The following MYO16 variants were observed in gnomAD, a reference collection of about 807,000 sequenced individuals.
MYO16 encodes unconventional myosin-XVI.
Under a neutral mutation model 205.3 loss-of-function variants are expected in MYO16, and 94 were observed. The observed-to-expected ratio is 0.46, with a 90% CI of 0.39 to 0.54. MYO16 has a LOEUF of 0.54. Ranked by LOEUF, MYO16 falls within the 20% of genes least tolerant of loss-of-function variation. MYO16 has a pLI of 0.00. For synonymous variants in MYO16, 988 were observed against 954.0 expected (o/e 1.04, Z -0.66); for missense variants, 2,315 against 2,387.5 (o/e 0.97, Z 0.63).
At chr13:108,715,824 A>C (rs1402201428) in intron 3 of MYO16, among the ~76,000 whole-genome samples, 1 of 152,214 alleles carries the variant, frequency 6.6e-6, no homozygotes, top group Non-Finnish European at 1.5e-5. Flanking sequence ...GGTCCGGCTT[A>C]ATAACCCATT....
chr13:108,546,430 T>A, the MYO16 span, among the ~76,000 whole-genome samples: 1 of 152,160 alleles, frequency 6.6e-6, no homozygotes, highest in Admixed American at 6.6e-5. Flanking sequence ...AAGTGTGTAA[T>A]GTGGCAATGC....
chr13:108,698,979 G>A (rs924586021), intron 2 of MYO16, among the ~76,000 whole-genome samples: 10 of 152,032 alleles, frequency 6.6e-5, no homozygotes, highest in Non-Finnish European at 1.3e-4. Context: ...CTGTGATACA[G>A]TCCTTTTGAT....
intron 34 of MYO16, among the ~76,000 whole-genome samples, chr13:109,181,407 C>T (rs2139920048): frequency 6.6e-6 from 1 of 152,340 alleles, no homozygotes; most frequent in South Asian, 2.1e-4. Context: ...GACATTTATA[C>T]AAGAAGTATG....
intron 1 of MYO16, among the ~76,000 whole-genome samples, chr13:108,608,730 C>T (rs6492127): frequency 0.39 from 59,362 of 151,692 alleles, 12,266 homozygotes; most frequent in Non-Finnish European, 0.46. Context: ...GCAACCTCCG[C>T]CTCCAGGGTT....
At chr13:108,732,516 T>C (rs1227411913) in intron 4 of MYO16, among the ~76,000 whole-genome samples, 1 of 152,140 alleles carries the variant, frequency 6.6e-6, no homozygotes, top group Non-Finnish European at 1.5e-5. Flanking sequence ...TAGAAAGCTA[T>C]GTGGCAGGGT....
At chr13:108,971,374 T>TATATATATATAC (rs1156819636) in intron 20 of MYO16, among the ~76,000 whole-genome samples, 22 of 136,396 alleles carry the variant, frequency 1.6e-4, no homozygotes, top group African/African-American at 3.4e-4. Flanking sequence ...TATATATATA[T>TATATATATATAC]ACACATATAA....
At chr13:108,776,808 G>A (rs1029831803) in intron 4 of MYO16, among the ~76,000 whole-genome samples, 3 of 152,162 alleles carry the variant, frequency 2.0e-5, no homozygotes, top group Admixed American at 6.5e-5. Context: ...AACTCTGGGA[G>A]AATTAAAGAC....
At chr13:108,606,835 C>T (rs1482437537) in intron 1 of MYO16, among the ~76,000 whole-genome samples, 1 of 152,094 alleles carries the variant, frequency 6.6e-6, no homozygotes, top group African/African-American at 2.4e-5. Flanking sequence ...CCCATGAAAG[C>T]AGGGAGTGGA....
At chr13:108,859,586 G>T (rs999900452) in intron 11 of MYO16, among the ~76,000 whole-genome samples, 15 of 152,110 alleles carry the variant, frequency 9.9e-5, no homozygotes, top group African/African-American at 3.6e-4. Flanking sequence ...TCCACAGTCT[G>T]CAGTATTAGG....
chr13:108,573,679 C>T, the MYO16 span, among the ~76,000 whole-genome samples: 1 of 152,180 alleles, frequency 6.6e-6, no homozygotes, highest in Non-Finnish European at 1.5e-5. Flanking sequence ...GATCTCCTCA[C>T]CAGACTTCAC....
At position 108,972,345 on chromosome 13, in the gene MYO16, TATAGCC is replaced by T. The variant is rs201071524; in HGVS notation, c.2369+7447_2369+7452del. On this transcript the variant is annotated intron_variant, in intron 20 of 34. Coordinates refer to ENST00000457511, the MANE Select transcript of MYO16 (RefSeq NM_001198950.3). ...ATATAGCCATCTATATATATATATA[TATAGCC>T]ATATATATATATATATATATATATA... Among the ~76,000 whole-genome samples the T allele has an allele frequency of 3.9e-3, 167 of 43,118 alleles. 20 individuals are homozygous for T. Among genetic ancestry groups the T allele is most frequent in the African/African-American group, 0.016 (163 of 10,112 alleles). 28.3% of individuals were successfully genotyped at this position (43,118 alleles called of 152,430 possible).
intron 16 of MYO16, among the ~76,000 whole-genome samples, chr13:108,941,997 A>T (rs1244133741): frequency 6.6e-6 from 1 of 152,238 alleles, no homozygotes; most frequent in Non-Finnish European, 1.5e-5. Flanking sequence ...TAATTTAATT[A>T]TGCATACATA....
intron 4 of MYO16, among the ~76,000 whole-genome samples, chr13:108,762,732 G>A (rs9514900): frequency 0.52 from 79,432 of 151,912 alleles, 21,334 homozygotes; most frequent in East Asian, 0.63. Context: ...TGGAATTTTA[G>A]AATTTGGCAG....
At chr13:108,522,351 A>G in the MYO16 span, among the ~76,000 whole-genome samples, 4 of 152,188 alleles carry the variant, frequency 2.6e-5, no homozygotes, top group Admixed American at 6.5e-5. Flanking sequence ...TACATTTAAC[A>G]TGTTCCTTTT....
chr13:109,073,802 A>G (rs993592376), intron 27 of MYO16, among the ~76,000 whole-genome samples: 1 of 152,222 alleles, frequency 6.6e-6, no homozygotes, highest in Non-Finnish European at 1.5e-5. Context: ...ATCCAATACA[A>G]GTGACTAATA....
chr13:108,813,280 T>C (rs1887350124), intron 7 of MYO16, among the ~76,000 whole-genome samples: 1 of 152,172 alleles, frequency 6.6e-6, no homozygotes, highest in African/African-American at 2.4e-5. Flanking sequence ...TTCTAAAGTA[T>C]TAGATCTGAA....
At chr13:108,981,786 T>G (rs1325514293) in intron 20 of MYO16, among the ~76,000 whole-genome samples, 1 of 152,246 alleles carries the variant, frequency 6.6e-6, no homozygotes, top group Non-Finnish European at 1.5e-5. Context: ...CTAGAAACAT[T>G]GACTTGCTAC....
intron 10 of MYO16, among the ~76,000 whole-genome samples, chr13:108,849,067 C>G (rs1008156582): frequency 2.0e-5 from 3 of 152,220 alleles, no homozygotes; most frequent in African/African-American, 7.2e-5. Flanking sequence ...CTACACACGA[C>G]TGTCCAGGCA....
Position 109,046,929 on chromosome 13 carries a change from T to A in MYO16, c.2810T>A (p.Val937Asp), listed in dbSNP as rs755834895. 5.6e-6 allele frequency: 9 copies of A among 1,608,760 alleles called. No individual in the cohort carries two copies. Among genetic ancestry groups the A allele is most frequent in the African/African-American group, 1.3e-5 (1 of 74,912 alleles). ...MHYAGRVMYD[V>D]VGAIEKNKDS... ...CTTTTATTCTAGGTAATGTATGATG[T>A]TGTTGGGGCGATTGAAAAAAATAAA... is the stretch of plus-strand genomic sequence containing the variant. Residue 937 changes from valine to aspartate, a missense_variant, in exon 24 of 35, where the codon GTT (valine) becomes GAT (aspartate). Physicochemically the swap from Val to Asp is radical, Grantham distance 152. Coordinates refer to ENST00000457511, the MANE Select transcript of MYO16 (RefSeq NM_001198950.3).
Sources: gnomAD v4.1 joint callset for allele counts (sites outside exome capture counted in the v4.1 genomes callset) on GRCh38, gnomAD v4.1.1 for gene constraint, MANE v1.5 for transcripts, NCBI Gene and HGNC (gene_info 2026-07-23, HGNC 2026-07-21) for gene names.